Variants in PRDM1 observed in about 807,000 individuals in gnomAD.
The protein encoded by PRDM1 is PR/SET domain 1, also known as PR domain zinc finger protein 1.
Under a neutral mutation model 62.8 loss-of-function variants are expected in PRDM1, and 13 were observed. The ratio of observed to expected loss-of-function variants is 0.21; its 90% CI spans 0.13 to 0.33. The LOEUF (loss-of-function observed/expected upper bound fraction) is 0.33, where lower values mean the gene tolerates loss of function less well. Ranked by LOEUF, PRDM1 falls within the 10% of genes least tolerant of loss-of-function variation. The pLI, the probability that PRDM1 is intolerant of heterozygous loss-of-function variation, is 1.00. For synonymous variants in PRDM1, 396 were observed against 417.6 expected (o/e 0.95, Z 0.63); for missense variants, 895 against 1,058.8 (o/e 0.85, Z 2.15).
chr6:106,039,128 C>A (rs1772959680), intron 1 of PRDM1, among the ~76,000 whole-genome samples: 1 of 152,028 alleles, frequency 6.6e-6, no homozygotes, highest in Non-Finnish European at 1.5e-5. Context: ...CTTGTTCACA[C>A]TCTTTATAAT....
chr6:105,993,063 G>C (rs1582418623), upstream of PRDM1, among the ~76,000 whole-genome samples: 7 of 152,336 alleles, frequency 4.6e-5, no homozygotes, highest in African/African-American at 1.7e-4. Context: ...CGGTTTGGTA[G>C]AGGGGGCCCG....
chr6:106,067,565 T>C (rs936727026), intron 1 of PRDM1, among the ~76,000 whole-genome samples: 4 of 152,210 alleles, frequency 2.6e-5, no homozygotes, highest in African/African-American at 9.7e-5. Context: ...TGCTGATATA[T>C]GCTACATGTG....
At chr6:105,998,718 T>C (rs1282506936) in intron 1 of PRDM1, among the ~76,000 whole-genome samples, 1 of 151,988 alleles carries the variant, frequency 6.6e-6, no homozygotes, top group Non-Finnish European at 1.5e-5. Flanking sequence ...TTTGTTCATT[T>C]CACATCTTTT....
chr6:106,030,240 C>T (rs1772823578), intron 1 of PRDM1, among the ~76,000 whole-genome samples: 1 of 152,174 alleles, frequency 6.6e-6, no homozygotes. Context: ...ACTATCATAG[C>T]TCACTATAAC....
Position 105,994,997 on chromosome 6 carries a change from C to G in PRDM1, c.-67+1358C>G, listed in dbSNP as rs927039187. On this transcript the variant is annotated intron_variant, in intron 1 of 6. Coordinates refer to the PRDM1 transcript ENST00000652320. This position sits in a 1 kb window ranked among gnomAD's most constrained non-coding sequence, Gnocchi z 4.1. Reference sequence around the variant, plus strand: ...GGATTAGAGCGCGCGTTTTCTCCGCCGAGCACGCTGCCCGACGCCGTCGCA... The same window carrying G: ...GGATTAGAGCGCGCGTTTTCTCCGCGGAGCACGCTGCCCGACGCCGTCGCA... Among the ~76,000 whole-genome samples the G allele has an allele frequency of 3.7e-4, 56 of 152,200 alleles. No homozygotes were observed. Among genetic ancestry groups the G allele is most frequent in the Admixed American group, 3.6e-3 (55 of 15,284 alleles).
intron 1 of PRDM1, among the ~76,000 whole-genome samples, chr6:106,067,617 C>T (rs1041679935): frequency 1.3e-5 from 2 of 152,118 alleles, no homozygotes; most frequent in African/African-American, 4.8e-5. Context: ...ATAAGCCAGA[C>T]ACGAAAGTTC....
chr6:106,064,591 T>G (rs1773398584), intron 1 of PRDM1, among the ~76,000 whole-genome samples: 1 of 152,214 alleles, frequency 6.6e-6, no homozygotes, highest in African/African-American at 2.4e-5. Flanking sequence ...CAATTTATCT[T>G]GACCTCTAAT....
intron 1 of PRDM1, among the ~76,000 whole-genome samples, chr6:106,067,393 A>G (rs1289725112): frequency 6.6e-6 from 1 of 152,192 alleles, no homozygotes; most frequent in Non-Finnish European, 1.5e-5. Context: ...TTACCCAGCA[A>G]TTCTACTACT....
chr6:106,109,225 G>A lies in PRDM1; in HGVS notation c.*1739G>A, dbSNP rs1774614211. The A allele has an allele frequency of 4.3e-6, 1 of 231,164 alleles. No individual in the cohort carries two copies. The highest frequency in any genetic ancestry group is 8.6e-6 in the Non-Finnish European group (1 of 116,482). The allele number at this position is 231,164 out of a possible 1,614,324, so 14.3% of individuals were successfully genotyped here. On this transcript the variant is annotated 3_prime_UTR_variant, in exon 7 of 7. Transcript: ENST00000369096. Reference sequence around the variant, plus strand: ...ACCCTAAAACCTTGGTGCAGTGGTGGGGACCACAAAACAACCAGGGAGGAA... The same window carrying A: ...ACCCTAAAACCTTGGTGCAGTGGTGAGGACCACAAAACAACCAGGGAGGAA...
chr6:106,017,923 G>A (rs1772643765), intron 1 of PRDM1, among the ~76,000 whole-genome samples: 1 of 152,126 alleles, frequency 6.6e-6, no homozygotes, highest in Admixed American at 6.6e-5. Flanking sequence ...TGTGCCTCTG[G>A]CTTTTGGAGA....
At chr6:106,073,535 C>T (rs1013800223) in intron 1 of PRDM1, among the ~76,000 whole-genome samples, 7 of 152,208 alleles carry the variant, frequency 4.6e-5, no homozygotes, top group Non-Finnish European at 1.0e-4. Flanking sequence ...GTTCTCTGGT[C>T]AGCTGGACAG....
chr6:106,074,646 T>A (rs915142438), intron 1 of PRDM1, among the ~76,000 whole-genome samples: 12 of 152,128 alleles, frequency 7.9e-5, no homozygotes, highest in Admixed American at 3.3e-4. Flanking sequence ...ATGAAACAAC[T>A]ATAGAATATT....
At chr6:106,083,605 G>A (rs1315544355), upstream of PRDM1, among the ~76,000 whole-genome samples, 1 of 152,162 alleles carries the variant, frequency 6.6e-6, no homozygotes, top group Non-Finnish European at 1.5e-5. Context: ...CTGTTGTGAT[G>A]ATGCCATCCA....
At chr6:106,030,543 T>C (rs1772826585) in intron 1 of PRDM1, among the ~76,000 whole-genome samples, 1 of 152,172 alleles carries the variant, frequency 6.6e-6, no homozygotes, top group Non-Finnish European at 1.5e-5. Context: ...GTATTATTCT[T>C]TAATGGTTTA....
At chr6:106,050,104 A>G (rs1387977125) in intron 1 of PRDM1, among the ~76,000 whole-genome samples, 1 of 152,186 alleles carries the variant, frequency 6.6e-6, no homozygotes, top group Non-Finnish European at 1.5e-5. Context: ...AAGTCACCTC[A>G]TCTTACTGGG....
intron 1 of PRDM1, among the ~76,000 whole-genome samples, chr6:106,064,294 C>A (rs1300135785): frequency 6.6e-6 from 1 of 152,208 alleles, no homozygotes; most frequent in African/African-American, 2.4e-5. Context: ...AAAATATCCT[C>A]TCTGGGTGTT....
intron 1 of PRDM1, among the ~76,000 whole-genome samples, chr6:106,012,372 A>G (rs939519842): frequency 6.6e-6 from 1 of 151,290 alleles, no homozygotes; most frequent in African/African-American, 2.4e-5. Flanking sequence ...AACCCTCTAC[A>G]TTACACATAC....
chr6:105,997,494 A>G (rs962855423), intron 1 of PRDM1, among the ~76,000 whole-genome samples: 1 of 152,232 alleles, frequency 6.6e-6, no homozygotes, highest in Non-Finnish European at 1.5e-5. Flanking sequence ...TTTGTTCTTC[A>G]TTAACATTAA....
At chr6:106,063,862 G>A (rs1170204671) in intron 1 of PRDM1, among the ~76,000 whole-genome samples, 1 of 152,140 alleles carries the variant, frequency 6.6e-6, no homozygotes, top group African/African-American at 2.4e-5. Flanking sequence ...GTGGCTTGTA[G>A]GGATTTAGCC....
Sources: gnomAD v4.1 joint callset for allele counts (sites outside exome capture counted in the v4.1 genomes callset) on GRCh38, gnomAD v4.1.1 for gene constraint, Gnocchi (gnomAD v3.1) non-coding constraint, MANE v1.5 for transcripts, NCBI Gene and HGNC (gene_info 2026-07-23, HGNC 2026-07-21) for gene names.